MAPK10: variants seen among roughly 807,000 people sequenced by gnomAD.
MAPK10 encodes the protein JNK3 alpha protein kinase.
In MAPK10, 25 loss-of-function variants were observed where a neutral mutation model predicts 59.3. The observed-to-expected ratio is 0.42, with a 90% CI of 0.31 to 0.59. The LOEUF is 0.59. Ranked by LOEUF, MAPK10 falls within the 20% of genes least tolerant of loss-of-function variation. The pLI is 0.15. For missense variants in MAPK10, 351 were observed against 568.9 expected, an observed-to-expected ratio of 0.62 and a Z score of 3.90; for synonymous variants, 190 against 200.5, an observed-to-expected ratio of 0.95 and a Z score of 0.44.
intron 1 of MAPK10, among the ~76,000 whole-genome samples, chr4:86,545,268 C>T (rs1759054353): frequency 6.6e-6 from 1 of 152,204 alleles, no homozygotes; most frequent in South Asian, 2.1e-4. Context: ...AGGGTTGAGT[C>T]TGAAGAATGA....
At chr4:86,400,379 T>G (rs1743538311) in intron 1 of MAPK10, among the ~76,000 whole-genome samples, 1 of 152,174 alleles carries the variant, frequency 6.6e-6, no homozygotes, top group Non-Finnish European at 1.5e-5. Context: ...AACATTACTA[T>G]AGTGACGTAC....
intron 2 of MAPK10, chr4:86,336,725 C>T (rs1418316907): frequency 1.3e-5 from 2 of 151,502 alleles, no homozygotes; most frequent in African/African-American, 2.4e-5. Context: ...TTTATTCATC[C>T]AGTTTGTTTT....
At chr4:86,283,104 G>C (rs998263992) in intron 2 of MAPK10, among the ~76,000 whole-genome samples, 4 of 152,132 alleles carry the variant, frequency 2.6e-5, no homozygotes, top group Middle Eastern at 3.2e-3. Context: ...AGGATTCACT[G>C]GTTTAGCAGG....
At chr4:86,417,239 G>T (rs1251744468) in intron 1 of MAPK10, among the ~76,000 whole-genome samples, 1 of 152,020 alleles carries the variant, frequency 6.6e-6, no homozygotes, top group Non-Finnish European at 1.5e-5. Flanking sequence ...AAGTTCTAGA[G>T]ATTTCTATTA....
intron 2 of MAPK10, among the ~76,000 whole-genome samples, chr4:86,259,119 T>C (rs2093880294): frequency 6.6e-6 from 1 of 152,114 alleles, no homozygotes; most frequent in Non-Finnish European, 1.5e-5. Context: ...CTCAGTCTCC[T>C]TTGCAACTCC....
At chr4:86,246,143 G>A (rs1180339424) in intron 2 of MAPK10, among the ~76,000 whole-genome samples, 2 of 152,112 alleles carry the variant, frequency 1.3e-5, no homozygotes, top group African/African-American at 2.4e-5. Flanking sequence ...TAAAAGTCAA[G>A]TTGTTGGGCC....
At chr4:86,162,086 C>G (rs1026596510) in intron 3 of MAPK10, among the ~76,000 whole-genome samples, 1 of 151,626 alleles carries the variant, frequency 6.6e-6, no homozygotes, top group African/African-American at 2.4e-5. Flanking sequence ...TTGCCAAATA[C>G]TAGGTTTGGC....
intron 1 of MAPK10, among the ~76,000 whole-genome samples, chr4:86,411,737 C>T (rs1449739554): frequency 1.3e-5 from 2 of 152,064 alleles, no homozygotes; most frequent in South Asian, 2.1e-4. Context: ...CTTTTATTTG[C>T]TTTCCATTTG....
chr4:86,038,129 T>C (rs539559136), intron 11 of MAPK10, among the ~76,000 whole-genome samples: 1 of 152,342 alleles, frequency 6.6e-6, no homozygotes, highest in Admixed American at 6.5e-5. Flanking sequence ...AGTTGTTCCT[T>C]TGATTCTTCT....
rs1202470617 is a variant in MAPK10 at position 86,581,678 on chromosome 4, G to T, written c.-263+12232C>A. On this transcript the variant is annotated intron_variant, in intron 1 of 4. Coordinates refer to the MAPK10 transcript ENST00000502302. The stretch of plus-strand genomic sequence containing the variant: ...AAGCTATCTTTTTTTTTCAGTTATT[G>T]TGTGTGTGTGTGTGTGTGTGTGTGT... Among the ~76,000 whole-genome samples the T allele has an allele frequency of 1.4e-4, 10 of 69,568 alleles. No individual in the cohort carries two copies. The South Asian group carries it at 3.2e-3, about 22-fold the overall frequency. 45.6% of individuals were successfully genotyped at this position (69,568 alleles called of 152,430 possible).
chr4:86,583,072 C>T (rs1051512122), intron 1 of MAPK10, among the ~76,000 whole-genome samples: 2 of 152,144 alleles, frequency 1.3e-5, no homozygotes, highest in Non-Finnish European at 2.9e-5. Context: ...ACCCTCACCA[C>T]CCAGTGAACA....
chr4:86,135,411 G>A (rs1009291979), intron 4 of MAPK10, among the ~76,000 whole-genome samples: 7 of 152,118 alleles, frequency 4.6e-5, no homozygotes, highest in East Asian at 1.9e-4. Flanking sequence ...GGGAGGCACC[G>A]CCCCAGCAGG....
Position 86,508,774 on chromosome 4 carries a change from C to A in MAPK10, c.-263+85136G>T, listed in dbSNP as rs548773433. ...ACTGGGATGGTCACCATGATCTAAA[C>A]CACCAGTGTAAACTTCCTGACAGGA... On this transcript the variant is annotated intron_variant, in intron 1 of 4. Transcript: ENST00000502302. Among the ~76,000 whole-genome samples, 45 of 152,280 alleles carry A rather than the reference C, an allele frequency of 3.0e-4. No individual in the cohort carries two copies. In the South Asian group the frequency reaches 3.5e-3, roughly 12 times the overall value.
At chr4:86,230,212 T>TA (rs2091345271) in intron 2 of MAPK10, among the ~76,000 whole-genome samples, 1 of 152,210 alleles carries the variant, frequency 6.6e-6, no homozygotes. Flanking sequence ...TTTGATTGAT[T>TA]AAAAAAATAT....
chr4:86,560,450 T>C (rs1760590077), intron 1 of MAPK10, among the ~76,000 whole-genome samples: 1 of 152,242 alleles, frequency 6.6e-6, no homozygotes, highest in African/African-American at 2.4e-5. Context: ...TTGCAACTTA[T>C]AATGGAATTC....
intron 1 of MAPK10, among the ~76,000 whole-genome samples, chr4:86,544,817 AG>A (rs1759013228): frequency 1.3e-5 from 2 of 152,138 alleles, no homozygotes; most frequent in South Asian, 4.1e-4. Context: ...TTGCTGACAT[AG>A]CAGCTTCATG....
rs62308401 is a variant in MAPK10 at position 86,486,306 on chromosome 4, T to C, written c.-263+107604A>G. ...ACAGCAAGACTCAATCTCTAAAACA[T>C]ACATACATACATACACACATGCATA... is the stretch of plus-strand genomic sequence containing the variant. On this transcript the variant is annotated intron_variant, in intron 1 of 4. Transcript: ENST00000502302. Among the ~76,000 whole-genome samples, 1,457 of 152,014 alleles carry C rather than the reference T, an allele frequency of 9.6e-3. 8 individuals carry two copies. The highest frequency in any genetic ancestry group is 0.015 in the Non-Finnish European group (996 of 67,976).
chr4:86,586,883 TTCTG>T (rs1223410305), intron 1 of MAPK10, among the ~76,000 whole-genome samples: 1 of 152,238 alleles, frequency 6.6e-6, no homozygotes, highest in Non-Finnish European at 1.5e-5. Flanking sequence ...AATTAAATTT[TTCTG>T]TCTTAGTATT....
At chr4:86,556,776 C>A (rs1487295580) in intron 1 of MAPK10, among the ~76,000 whole-genome samples, 1 of 151,974 alleles carries the variant, frequency 6.6e-6, no homozygotes, top group Non-Finnish European at 1.5e-5. Context: ...CAAATGATAA[C>A]CTGGAAAGTA....
Sources: gnomAD v4.1 joint callset for allele counts (sites outside exome capture counted in the v4.1 genomes callset) on GRCh38, gnomAD v4.1.1 for gene constraint, MANE v1.5 for transcripts, NCBI Gene and HGNC (gene_info 2026-07-23, HGNC 2026-07-21) for gene names.